DENND1A: variants seen among roughly 807,000 people sequenced by gnomAD.
The protein encoded by DENND1A is DENN domain containing 1A, also known as DENN domain-containing protein 1A.
A neutral mutation model predicts 113.7 loss-of-function variants in DENND1A; 51 were observed. That is an observed-to-expected ratio of 0.45 (90% CI 0.36 to 0.57). The LOEUF is 0.57. DENND1A is among the 20% of genes least tolerant of loss of function. The probability of loss-of-function intolerance (pLI) is 0.00; values close to 1 mark genes in which losing one functional copy is unlikely to be tolerated. For missense variants in DENND1A, 1,258 were observed against 1,395.9 expected (o/e 0.90, Z 1.57); for synonymous variants, 565 against 570.8 (o/e 0.99, Z 0.14).
chr9:123,883,504 G>A (rs551827140), intron 1 of DENND1A, among the ~76,000 whole-genome samples: 8 of 152,260 alleles, frequency 5.3e-5, no homozygotes, highest in Admixed American at 3.3e-4. Context: ...GAGTGTCTCA[G>A]GTAGGACCCA....
chr9:123,392,841 A>G (rs756041556), intron 21 of DENND1A, among the ~76,000 whole-genome samples: 1 of 152,082 alleles, frequency 6.6e-6, no homozygotes, highest in Non-Finnish European at 1.5e-5. Context: ...GAGGCCCCAG[A>G]GTCCCTTATG....
intron 12 of DENND1A, among the ~76,000 whole-genome samples, chr9:123,562,849 C>G (rs965991168): frequency 1.4e-4 from 21 of 152,190 alleles, no homozygotes; most frequent in African/African-American, 4.8e-4. Flanking sequence ...CCATGGTGAG[C>G]TGCAGTTTCT....
At chr9:123,672,961 T>C (rs370227928) in intron 6 of DENND1A, among the ~76,000 whole-genome samples, 12 of 152,326 alleles carry the variant, frequency 7.9e-5, no homozygotes, top group African/African-American at 2.4e-4. Flanking sequence ...AACAATCCAC[T>C]TCAGAATCAC....
chr9:123,716,824 A>G (rs1236883222), intron 5 of DENND1A, among the ~76,000 whole-genome samples: 1 of 152,240 alleles, frequency 6.6e-6, no homozygotes, highest in Non-Finnish European at 1.5e-5. Flanking sequence ...TATCACGTAC[A>G]TGCTTGACGG....
intron 5 of DENND1A, among the ~76,000 whole-genome samples, chr9:123,739,522 C>G (rs975094743): frequency 1.3e-5 from 2 of 151,944 alleles, no homozygotes; most frequent in African/African-American, 4.8e-5. Flanking sequence ...ATGCGGTAAC[C>G]AACAGAAAAA....
chr9:123,630,528 C>A, intron 9 of DENND1A, 52 bp from the exon 10 acceptor site: 2 of 1,260,052 alleles, frequency 1.6e-6, no homozygotes, highest in Non-Finnish European at 2.1e-6. Flanking sequence ...GAGGAGACAC[C>A]GCCATTTGAT....
chr9:123,596,855 T>C (rs553832425), intron 11 of DENND1A, among the ~76,000 whole-genome samples: 3 of 152,360 alleles, frequency 2.0e-5, no homozygotes, highest in Admixed American at 2.0e-4. Context: ...TTGGACAAGT[T>C]ACTTAACCTC....
chr9:123,794,620 C>A (rs1386326070), intron 2 of DENND1A, among the ~76,000 whole-genome samples: 1 of 152,152 alleles, frequency 6.6e-6, no homozygotes, highest in Non-Finnish European at 1.5e-5. Flanking sequence ...TTTTCTATCA[C>A]CATTTTGTGA....
At chr9:123,501,572 T>C (rs1451341697) in intron 13 of DENND1A, among the ~76,000 whole-genome samples, 2 of 152,226 alleles carry the variant, frequency 1.3e-5, no homozygotes, top group African/African-American at 4.8e-5. Context: ...CAATTTTACA[T>C]TCCCATCAAC....
In DENND1A at chr9:123,380,687, C is replaced by T. The variant is rs1392695169; in HGVS notation, c.*745G>A. The T allele has an allele frequency of 6.6e-6, 1 of 152,332 alleles. No homozygotes were observed. Among genetic ancestry groups the T allele is most frequent in the East Asian group, 1.9e-4 (1 of 5,206 alleles). The allele number at this position is 152,332 out of a possible 1,614,324, so 9.4% of individuals were successfully genotyped here. ...CTGGATGAGGGCTGGGGGCTCCTCC[C>T]AAAATACTCAGATGGGGGTTTCCAT... On this transcript the variant is annotated 3_prime_UTR_variant, in exon 24 of 24. Coordinates refer to ENST00000394215, the MANE Select transcript of DENND1A (RefSeq NM_001352964.2).
intron 5 of DENND1A, among the ~76,000 whole-genome samples, chr9:123,692,808 G>C (rs1465323894): frequency 1.3e-5 from 2 of 152,132 alleles, no homozygotes; most frequent in Non-Finnish European, 2.9e-5. Flanking sequence ...TTAAAGACCA[G>C]TTCTGTGCTC....
chr9:123,728,506 A>AAAAAAAAAAAAAAC (rs1564150268), intron 5 of DENND1A, among the ~76,000 whole-genome samples: 2 of 145,812 alleles, frequency 1.4e-5, no homozygotes, highest in African/African-American at 5.4e-5. Flanking sequence ...AAAAAAAAAA[A>AAAAAAAAAAAAAAC]AAAACAGGCA....
intron 1 of DENND1A, among the ~76,000 whole-genome samples, chr9:123,892,937 G>A (rs947634261): frequency 1.3e-5 from 2 of 152,054 alleles, no homozygotes; most frequent in African/African-American, 4.8e-5. Context: ...AGCCGAGATC[G>A]CGCCACTGCA....
At chr9:123,577,515 A>G (rs1304612733) in intron 12 of DENND1A, among the ~76,000 whole-genome samples, 1 of 152,052 alleles carries the variant, frequency 6.6e-6, no homozygotes, top group Non-Finnish European at 1.5e-5. Context: ...CTCATTCTCA[A>G]CATGTCTTGC....
chr9:123,507,541 A>G (rs2053062232), intron 13 of DENND1A, among the ~76,000 whole-genome samples: 1 of 152,152 alleles, frequency 6.6e-6, no homozygotes, highest in African/African-American at 2.4e-5. Context: ...ACTAAAGCAG[A>G]AAATTTTAAC....
intron 2 of DENND1A, among the ~76,000 whole-genome samples, chr9:123,796,937 G>A (rs1426625239): frequency 2.0e-5 from 3 of 151,988 alleles, no homozygotes; most frequent in East Asian, 1.9e-4. Context: ...CTAACCAAAC[G>A]CCATCATCTC....
intron 13 of DENND1A, among the ~76,000 whole-genome samples, chr9:123,480,095 G>A (rs1480447863): frequency 6.6e-6 from 1 of 152,154 alleles, no homozygotes; most frequent in Non-Finnish European, 1.5e-5. Context: ...TTCTGCCAAT[G>A]GGCTATTTTA....
At chr9:123,743,405 G>GATAAATAAATAAATAAATAA (rs113375616) in intron 5 of DENND1A, among the ~76,000 whole-genome samples, 1 of 147,990 alleles carries the variant, frequency 6.8e-6, no homozygotes, top group African/African-American at 2.5e-5. Flanking sequence ...AGTCCCAAAA[G>GATAAATAAATAAATAAATAA]ATAAATAAAT....
At chr9:123,805,731 C>T (rs1338629013) in intron 2 of DENND1A, among the ~76,000 whole-genome samples, 2 of 151,986 alleles carry the variant, frequency 1.3e-5, no homozygotes, top group Admixed American at 1.3e-4. Context: ...ACTGCACCAT[C>T]CTATATATTA....
Sources: allele counts gnomAD v4.1 joint callset (sites outside exome capture counted in the v4.1 genomes callset), GRCh38; gene constraint gnomAD v4.1.1; transcripts MANE v1.5; gene names NCBI Gene and HGNC (gene_info 2026-07-23, HGNC 2026-07-21).